AMPH: variants seen among roughly 807,000 people sequenced by gnomAD.
AMPH encodes the protein amphiphysin (Stiff-Mann syndrome with breast cancer 128kD autoantigen).
In AMPH, 49 loss-of-function variants were observed where a neutral mutation model predicts 99.1. The observed-to-expected ratio is 0.49, with a 90% CI of 0.39 to 0.63. The LOEUF is 0.63. Among genes scored for constraint, AMPH ranks in the 20% least tolerant of loss-of-function variants. The pLI, the probability that AMPH is intolerant of heterozygous loss-of-function variation, is 0.00. For missense variants in AMPH, 759 were observed against 863.4 expected (o/e 0.88, Z 1.52); for synonymous variants, 314 against 317.3 (o/e 0.99, Z 0.11).
rs1214239744 is a variant in AMPH at position 38,399,543 on chromosome 7, TAC to T, written c.1399-5331_1399-5330del. 5.9e-5 allele frequency among the ~76,000 whole-genome samples: 9 copies of T among 152,250 alleles called. No homozygotes were observed. In the East Asian group the frequency reaches 7.7e-4, roughly 13 times the overall value. On this transcript the variant is annotated intron_variant, in intron 17 of 20. Coordinates refer to ENST00000356264, the MANE Select transcript of AMPH (RefSeq NM_001635.4). ...AAAAGGTTTTCATCAATGAAAGTTA[TAC>T]CTCTTATTATTATTGTTGTTGTCAT...
intron 15 of AMPH, 32 bp downstream of exon 15, chr7:38,426,922 A>G: frequency 6.2e-7 from 1 of 1,604,024 alleles, no homozygotes; most frequent in Non-Finnish European, 8.5e-7. Context: ...CATTCTCAGC[A>G]GATGGATCTT....
chr7:38,578,150 CAA>C (rs1792315651), intron 1 of AMPH, among the ~76,000 whole-genome samples: 1 of 152,130 alleles, frequency 6.6e-6, no homozygotes, highest in African/African-American at 2.4e-5. Flanking sequence ...CCCACCACTG[CAA>C]AGTCAGAAAG....
At chr7:38,402,067 G>A (rs981037584) in intron 17 of AMPH, among the ~76,000 whole-genome samples, 6 of 152,044 alleles carry the variant, frequency 3.9e-5, no homozygotes, top group Admixed American at 6.6e-5. Flanking sequence ...GTTGCTTCTC[G>A]TCTTTACCAC....
intron 11 of AMPH, among the ~76,000 whole-genome samples, chr7:38,439,917 G>C (rs971550636): frequency 6.6e-6 from 1 of 152,194 alleles, no homozygotes. Flanking sequence ...CTTCGTGATA[G>C]ATGGATTTTA....
At chr7:38,581,889 G>T (rs1293478149) in intron 1 of AMPH, among the ~76,000 whole-genome samples, 2 of 152,126 alleles carry the variant, frequency 1.3e-5, no homozygotes, top group East Asian at 1.9e-4. Flanking sequence ...ACTATAGGGG[G>T]AAGAGGTTTG....
At chr7:38,523,847 A>G (rs1248624433) in intron 2 of AMPH, among the ~76,000 whole-genome samples, 3 of 152,202 alleles carry the variant, frequency 2.0e-5, no homozygotes, top group Non-Finnish European at 2.9e-5. Flanking sequence ...AGTAGGTGAC[A>G]GTTTGATGAG....
intron 5 of AMPH, among the ~76,000 whole-genome samples, chr7:38,481,701 C>T (rs1276148980): frequency 6.6e-6 from 1 of 152,046 alleles, no homozygotes; most frequent in Non-Finnish European, 1.5e-5. Flanking sequence ...CTTCATAGCC[C>T]TCACTGATGG....
intron 20 of AMPH, among the ~76,000 whole-genome samples, chr7:38,386,996 G>A (rs1287406451): frequency 6.6e-6 from 1 of 152,134 alleles, no homozygotes; most frequent in Non-Finnish European, 1.5e-5. Context: ...CTGGGGGATG[G>A]GTATCCTAAC....
At chr7:38,581,254 A>G (rs1792447020) in intron 1 of AMPH, among the ~76,000 whole-genome samples, 1 of 152,206 alleles carries the variant, frequency 6.6e-6, no homozygotes, top group Non-Finnish European at 1.5e-5. Context: ...AAGGGGGGAA[A>G]GAGTGTTGGA....
intron 3 of AMPH, among the ~76,000 whole-genome samples, chr7:38,495,022 G>A (rs967200837): frequency 3.9e-5 from 6 of 152,092 alleles, no homozygotes; most frequent in African/African-American, 9.7e-5. Context: ...TGGTAAACAC[G>A]GTTAAAGTGG....
intron 15 of AMPH, among the ~76,000 whole-genome samples, chr7:38,424,612 A>C (rs1005757084): frequency 6.6e-6 from 1 of 152,086 alleles, no homozygotes; most frequent in African/African-American, 2.4e-5. Context: ...AAAATATGAA[A>C]AAGAGAAGTG....
chr7:38,462,367 G>T (rs930293959), intron 10 of AMPH, among the ~76,000 whole-genome samples: 1 of 152,178 alleles, frequency 6.6e-6, no homozygotes, highest in Non-Finnish European at 1.5e-5. Context: ...AAGAAAGCTT[G>T]AACTGGACTG....
In AMPH at chr7:38,519,489, A is replaced by C. The variant is rs561545261; in HGVS notation, c.150+15442T>G. 2.6e-5 allele frequency among the ~76,000 whole-genome samples: 4 copies of C among 152,356 alleles called. No homozygotes were observed. In the East Asian group the frequency reaches 7.7e-4, roughly 29 times the overall value. On this transcript the variant is annotated intron_variant, in intron 2 of 20. Transcript: ENST00000356264. The stretch of plus-strand genomic sequence containing the variant: ...CCCATAAGAGAATAGTCTTACTCCA[A>C]AACCCAGTATATTAAAAATATTTTA...
intron 2 of AMPH, among the ~76,000 whole-genome samples, chr7:38,517,423 C>G (rs1789790306): frequency 6.6e-6 from 1 of 152,182 alleles, no homozygotes; most frequent in African/African-American, 2.4e-5. Flanking sequence ...CCTGCTTCAG[C>G]CATGTAAGCT....
intron 1 of AMPH, among the ~76,000 whole-genome samples, chr7:38,610,302 A>G (rs1476947511): frequency 7.1e-4 from 14 of 19,636 alleles, no homozygotes; most frequent in African/African-American, 2.2e-3. Flanking sequence ...GAAAGAAAAG[A>G]AAAGAAAAGA....
At chr7:38,507,715 C>A (rs929417127) in intron 2 of AMPH, among the ~76,000 whole-genome samples, 1 of 152,144 alleles carries the variant, frequency 6.6e-6, no homozygotes, top group Non-Finnish European at 1.5e-5. Context: ...AAGTTCTACA[C>A]CCTTGAGATT....
chr7:38,509,511 G>C (rs1347472524), intron 2 of AMPH, among the ~76,000 whole-genome samples: 1 of 152,148 alleles, frequency 6.6e-6, no homozygotes, highest in Non-Finnish European at 1.5e-5. Context: ...AGTTTATACA[G>C]ATCTCCATTC....
At chr7:38,552,276 G>C (rs1791205577) in intron 1 of AMPH, among the ~76,000 whole-genome samples, 1 of 152,222 alleles carries the variant, frequency 6.6e-6, no homozygotes, top group Non-Finnish European at 1.5e-5. Flanking sequence ...CTGCACTTCA[G>C]AAACAGAGCT....
intron 1 of AMPH, among the ~76,000 whole-genome samples, chr7:38,582,055 T>C (rs1449546387): frequency 6.6e-6 from 1 of 151,826 alleles, no homozygotes; most frequent in Non-Finnish European, 1.5e-5. Flanking sequence ...TATAAAAACA[T>C]GAGGTTGAAT....
Sources: allele counts gnomAD v4.1 joint callset (sites outside exome capture counted in the v4.1 genomes callset), GRCh38; gene constraint gnomAD v4.1.1; transcripts MANE v1.5; gene names NCBI Gene and HGNC (gene_info 2026-07-23, HGNC 2026-07-21).